Variants in TMX1 observed in about 807,000 individuals in gnomAD.
TMX1 encodes the protein thioredoxin-related transmembrane protein 1.
Under a neutral mutation model 36.6 loss-of-function variants are expected in TMX1, and 25 were observed. The observed-to-expected ratio is 0.68, with a 90% CI of 0.50 to 0.95. TMX1 has a LOEUF of 0.95. TMX1 is among the 40% of genes least tolerant of loss of function. The probability of loss-of-function intolerance (pLI) is 0.00; values close to 1 mark genes in which losing one functional copy is unlikely to be tolerated. For missense variants in TMX1, 347 were observed against 339.6 expected, an observed-to-expected ratio of 1.02 and a Z score of -0.17; for synonymous variants, 133 against 118.0, an observed-to-expected ratio of 1.13 and a Z score of -0.82.
chr14:51,253,888 G>C (rs2065826328), intron 7 of TMX1: 1 of 152,570 alleles, frequency 6.6e-6, no homozygotes, highest in African/African-American at 2.4e-5. Flanking sequence ...TAGTATACTT[G>C]TTGACCAGAA....
chr14:51,243,038 C>A (rs2065768898), intron 1 of TMX1, among the ~76,000 whole-genome samples: 1 of 142,902 alleles, frequency 7.0e-6, no homozygotes, highest in Non-Finnish European at 1.5e-5. Flanking sequence ...ATGTGAAGTA[C>A]AGAAAGTATA....
intron 7 of TMX1, among the ~76,000 whole-genome samples, chr14:51,252,484 A>G (rs559053305): frequency 6.6e-6 from 1 of 151,946 alleles, no homozygotes; most frequent in South Asian, 2.1e-4. Flanking sequence ...CCTTTGTGAA[A>G]TGAAAGTAAT....
At chr14:51,245,405 G>T in intron 3 of TMX1, 47 bp downstream of exon 3, 4 of 1,607,838 alleles carry the variant, frequency 2.5e-6, no homozygotes, top group Non-Finnish European at 3.4e-6. Flanking sequence ...GCATTATAGT[G>T]TAATCAGAAG....
intron 3 of TMX1, among the ~76,000 whole-genome samples, chr14:51,246,509 T>G (rs530082854): frequency 6.6e-6 from 1 of 152,196 alleles, no homozygotes; most frequent in South Asian, 2.1e-4. Flanking sequence ...AAGAGAACAT[T>G]TGTGACTCTG....
chr14:51,254,332 G>T lies in TMX1; in HGVS notation c.665-9G>T. 3 of 1,577,272 alleles carry T rather than the reference G, an allele frequency of 1.9e-6. No homozygotes were observed. The highest frequency in any genetic ancestry group is 4.1e-5 in the Admixed American group (2 of 49,344). On this transcript the variant is annotated splice_polypyrimidine_tract_variant and intron_variant, in intron 7 of 7. Transcript: ENST00000457354. ...CAACAAAAATACATTTTTGGTCTTT[G>T]TCTTTAAGAAAAATTATTATCAGAA...
Position 51,249,533 on chromosome 14 carries a change from T to G in TMX1, c.555T>G (p.Ala185=). 6.2e-7 allele frequency: 1 copy of G among 1,613,970 alleles called. No individual in the cohort carries two copies. ...LPVWGSYTVF[A]LATLFSGLLL... is the part of the protein sequence containing the mutation. ...TGTGGGGATCATATACTGTTTTTGC[T>G]TTAGCAACTCTGTTTTCCGGACTGT... The change falls in exon 6 of 8, where the codon GCT becomes GCG. Residue 185 remains alanine, a synonymous_variant. Transcript: ENST00000457354.
intron 5 of TMX1, 24 bp from the exon 6 acceptor site, chr14:51,249,444 T>TTTTTTAG: frequency 3.2e-6 from 1 of 316,492 alleles, no homozygotes. Flanking sequence ...AGATTTTTAG[T>TTTTTTAG]TTTTTTTTTT....
intron 7 of TMX1, among the ~76,000 whole-genome samples, chr14:51,251,569 A>G (rs2065813796): frequency 6.6e-6 from 1 of 152,166 alleles, no homozygotes; most frequent in South Asian, 2.1e-4. Context: ...AGTACCTACT[A>G]AGTCATGTGA....
At chr14:51,243,800 T>C in intron 1 of TMX1, 56 bp from the exon 2 acceptor site, 1 of 1,228,330 alleles carries the variant, frequency 8.1e-7, no homozygotes. Flanking sequence ...TATCCCAAGA[T>C]AAATGGTCAT....
intron 1 of TMX1, among the ~76,000 whole-genome samples, chr14:51,242,521 T>A (rs1454534459): frequency 6.6e-6 from 1 of 152,130 alleles, no homozygotes; most frequent in Non-Finnish European, 1.5e-5. Context: ...TGCTATAGAG[T>A]AGTAGTTTTT....
At chr14:51,243,305 T>G (rs1434326983) in intron 1 of TMX1, among the ~76,000 whole-genome samples, 1 of 152,220 alleles carries the variant, frequency 6.6e-6, no homozygotes, top group Non-Finnish European at 1.5e-5. Context: ...GGGTTATTTT[T>G]TGAGGTAACA....
rs369843771 is a variant in TMX1, at chr14:51,249,736, G to A, written c.635G>A (p.Arg212His). 65 of 1,613,136 alleles carry A rather than the reference G, an allele frequency of 4.0e-5. No homozygotes were observed. Among genetic ancestry groups the A allele is most frequent in the Middle Eastern group, 1.7e-4 (1 of 6,004 alleles). The change falls in exon 7 of 8, where the codon CGC (arginine) becomes CAC (histidine). Residue 212 changes from arginine to histidine, a missense_variant. Physicochemically the swap from Arg to His is conservative, Grantham distance 29 (BLOSUM62 0). Transcript: ENST00000457354. ...GATTGCCTTTGTCCTTCAAAAAGGC[G>A]CAGACCACAGCCGTACCCATACCCT... ...VADCLCPSKRRRPQPYPYPSK... is the reference protein window; with the variant it reads ...VADCLCPSKRHRPQPYPYPSK...
At chr14:51,244,734 A>G (rs1409493557) in intron 2 of TMX1, among the ~76,000 whole-genome samples, 3 of 152,204 alleles carry the variant, frequency 2.0e-5, no homozygotes, top group Non-Finnish European at 4.4e-5. Context: ...TCTTGTGTTT[A>G]TTATTTAATC....
Position 51,243,913 on chromosome 14 carries a change from T to C in TMX1, c.210T>C (p.Ala70=). The change falls in exon 2 of 8, where the codon GCT becomes GCC. Residue 70 remains alanine (A), a synonymous_variant. Transcript: ENST00000457354. ...QNLQPEWESF[A]EWGEDLEVNI... Reference sequence around the variant, plus strand: ...TTCAACCGGAATGGGAAAGTTTTGCTGAATGGGGAGAAGATCTTGAGGTTA... The same window carrying C: ...TTCAACCGGAATGGGAAAGTTTTGCCGAATGGGGAGAAGATCTTGAGGTTA... 1 of 1,613,020 alleles carries C rather than the reference T, an allele frequency of 6.2e-7. No homozygotes were observed. Among genetic ancestry groups the C allele is most frequent in the Non-Finnish European group, 8.5e-7 (1 of 1,179,428 alleles).
intron 7 of TMX1, 87 bp downstream of exon 7, chr14:51,249,852 T>G: frequency 9.5e-7 from 1 of 1,056,106 alleles, no homozygotes; most frequent in Non-Finnish European, 1.4e-6. Context: ...CAGGTTGCTC[T>G]TCCAGCTTAG....
At position 51,240,272 on chromosome 14, in the gene TMX1, G is replaced by C. The variant is rs1366627067; in HGVS notation, c.-21G>C. On this transcript the variant is annotated 5_prime_UTR_variant, in exon 1 of 8. Transcript: ENST00000457354. ...AGTGGGAGCTGCGACCGCGCTCCCT[G>C]TGAGGTGGGCAAGCGGCGAAATGGC... 1.9e-6 allele frequency: 3 copies of C among 1,606,328 alleles called. No individual in the cohort carries two copies. The highest frequency in any genetic ancestry group is 2.5e-6 in the Non-Finnish European group (3 of 1,179,238).
rs911104752 is a variant in TMX1 at position 51,256,884 on chromosome 14, TTTTG to T, written c.*2373_*2376del. 6 of 152,314 alleles carry T rather than the reference TTTTG, an allele frequency of 3.9e-5. No homozygotes were observed. Among genetic ancestry groups the T allele is most frequent in the Non-Finnish European group, 8.8e-5 (6 of 68,032 alleles). The allele number at this position is 152,314 out of a possible 1,614,324, so 9.4% of individuals were successfully genotyped here. ...AATCTAATTCTTGTTCCAAATCTTT[TTTTG>T]TTTGTTTTTGTTTTTGTTTTTTTTC... On this transcript the variant is annotated 3_prime_UTR_variant, in exon 8 of 8. Transcript: ENST00000457354.
At chr14:51,240,842 A>G (rs941007133) in intron 1 of TMX1, among the ~76,000 whole-genome samples, 4 of 152,196 alleles carry the variant, frequency 2.6e-5, no homozygotes, top group African/African-American at 4.8e-5. Context: ...CACATTTTAC[A>G]TAAGAGAATA....
chr14:51,240,620 C>G (rs539331325), intron 1 of TMX1, among the ~76,000 whole-genome samples, 176 bp downstream of exon 1: 2 of 152,302 alleles, frequency 1.3e-5, no homozygotes, highest in East Asian at 3.9e-4. Context: ...TGGTCCCACC[C>G]CCTCGTCTCT....
Sources: allele counts gnomAD v4.1 joint callset (sites outside exome capture counted in the v4.1 genomes callset), GRCh38; gene constraint gnomAD v4.1.1; transcripts MANE v1.5; gene names NCBI Gene and HGNC (gene_info 2026-07-23, HGNC 2026-07-21).